AMOTL1: variants seen among roughly 807,000 people sequenced by gnomAD.
The protein encoded by AMOTL1 is angiomotin-like protein 1.
Under a neutral mutation model 102.9 loss-of-function variants are expected in AMOTL1, and 45 were observed. The observed-to-expected ratio is 0.44, with a 90% CI of 0.34 to 0.56. The LOEUF is 0.56. AMOTL1 is among the 20% of genes least tolerant of loss of function. AMOTL1 has a pLI of 0.01. For missense variants in AMOTL1, 1,114 were observed against 1,225.6 expected (o/e 0.91, Z 1.36); for synonymous variants, 481 against 484.7 (o/e 0.99, Z 0.10).
intron 1 of AMOTL1, among the ~76,000 whole-genome samples, chr11:94,706,818 G>C (rs941746901): frequency 6.6e-6 from 1 of 152,152 alleles, no homozygotes; most frequent in Admixed American, 6.5e-5. Flanking sequence ...CTCACAGTGG[G>C]TGTAGGAATC....
chr11:94,707,250 C>CTCTG lies in AMOTL1; in HGVS notation c.-51+654_-51+655insCTGT, dbSNP rs1338023479. Among the ~76,000 whole-genome samples the CTCTG allele has an allele frequency of 5.6e-3, 399 of 71,760 alleles. 3 individuals are homozygous for CTCTG. The highest frequency in any genetic ancestry group is 0.015 in the African/African-American group (371 of 25,154). The allele number at this position is 71,760 out of a possible 152,430, so 47.1% of individuals were successfully genotyped here. ...TCTCTCTCTCTCTCTCTCTCTCTCT[C>CTCTG]TGTGTGTGTGTGTGTGTGTGTGTGT... On this transcript the variant is annotated intron_variant, in intron 1 of 4. Transcript: ENST00000299004.
At position 94,854,079 on chromosome 11, in the gene AMOTL1, G is replaced by C. The variant is rs751773222; in HGVS notation, c.1941G>C (p.Gln647His). ...GAGAGCTGGATGCACTGAGAACCCA[G>C]CAGGTAAGGAACTGGGCATGGACTG... ...LERELDALRTQQKHGNGQPAN... is the reference protein window; with the variant it reads ...LERELDALRTHQKHGNGQPAN... The change falls in exon 8 of 13, where the codon CAG (glutamine) becomes CAC (histidine). Residue 647 changes from glutamine to histidine, a missense_variant. Physicochemically the swap from Gln to His is conservative, Grantham distance 24. Transcript: ENST00000433060. 7 of 1,544,194 alleles carry C rather than the reference G, an allele frequency of 4.5e-6. No homozygotes were observed. In the South Asian group the frequency reaches 8.4e-5, roughly 19 times the overall value.
chr11:94,779,670 A>G (rs1432267112), intron 1 of AMOTL1, among the ~76,000 whole-genome samples: 2 of 152,146 alleles, frequency 1.3e-5, no homozygotes, highest in Non-Finnish European at 2.9e-5. Context: ...ATCAACACCC[A>G]CAGAATAGGA....
rs554680134 is a variant in AMOTL1 at position 94,873,869 on chromosome 11, C to T, written c.*3074C>T. 1 of 152,390 alleles carries T rather than the reference C, an allele frequency of 6.6e-6. No individual in the cohort carries two copies. Among genetic ancestry groups the T allele is most frequent in the East Asian group, 1.9e-4 (1 of 5,190 alleles). 9.4% of individuals were successfully genotyped at this position (152,390 alleles called of 1,614,324 possible). ...GGACTAAGCCCAGAACTCCTAGAAT[C>T]ACCTATAAATGCTAGGCATAGATGG... On this transcript the variant is annotated 3_prime_UTR_variant, in exon 13 of 13. Transcript: ENST00000433060.
intron 1 of AMOTL1, among the ~76,000 whole-genome samples, chr11:94,716,903 C>A (rs1950106886): frequency 6.6e-6 from 1 of 152,106 alleles, no homozygotes; most frequent in Non-Finnish European, 1.5e-5. Flanking sequence ...GCAGGCAGAT[C>A]AGTCTCTTGG....
rs376243419 is a variant in AMOTL1, at chr11:94,744,959, A to T, written c.136+3971A>T. Among the ~76,000 whole-genome samples the T allele has an allele frequency of 1.1e-3, 166 of 152,336 alleles. 5 individuals carry two copies. The South Asian group carries it at 0.033, about 30-fold the overall frequency. Reference sequence around the variant, plus strand: ...TGGTTTTTTAAATTTTTAAATCAATATTATAAAGTTACTTTTAGTGTTGAT... The same window carrying T: ...TGGTTTTTTAAATTTTTAAATCAATTTTATAAAGTTACTTTTAGTGTTGAT... On this transcript the variant is annotated intron_variant, in intron 3 of 4. Coordinates refer to the AMOTL1 transcript ENST00000299004.
chr11:94,819,132 G>C (rs1951817972), intron 3 of AMOTL1, among the ~76,000 whole-genome samples: 1 of 152,120 alleles, frequency 6.6e-6, no homozygotes, highest in South Asian at 2.1e-4. Context: ...TGAGAGATCA[G>C]ACAAAACCTG....
chr11:94,831,770 TTCTC>T (rs1174343308), intron 6 of AMOTL1, among the ~76,000 whole-genome samples: 1 of 151,522 alleles, frequency 6.6e-6, no homozygotes, highest in Non-Finnish European at 1.5e-5. Flanking sequence ...GACCTACAGT[TTCTC>T]TCTCTCTCTC....
At chr11:94,853,472 C>T (rs762313554) in intron 7 of AMOTL1, among the ~76,000 whole-genome samples, 13 of 152,276 alleles carry the variant, frequency 8.5e-5, no homozygotes, top group African/African-American at 2.9e-4. Flanking sequence ...CTACAGAGGA[C>T]GTGATCTCAT....
Position 94,858,965 on chromosome 11 carries a change from A to T in AMOTL1, c.1945-560A>T, listed in dbSNP as rs187049185. On this transcript the variant is annotated intron_variant, in intron 8 of 12. Coordinates refer to ENST00000433060, the MANE Select transcript of AMOTL1 (RefSeq NM_130847.3). ...ATATGCATTATCTAGTTTGATTCTC[A>T]TTCTCAGGCCTCTGAGTGGGGCAGG... is the stretch of plus-strand genomic sequence containing the variant. 1.4e-3 allele frequency among the ~76,000 whole-genome samples: 217 copies of T among 152,304 alleles called. 1 individual carries two copies. Among genetic ancestry groups the T allele is most frequent in the Non-Finnish European group, 2.0e-3 (133 of 68,022 alleles).
At chr11:94,719,566 A>ATGTGTGTG (rs34142147) in intron 1 of AMOTL1, among the ~76,000 whole-genome samples, 20 of 148,134 alleles carry the variant, frequency 1.4e-4, no homozygotes, top group South Asian at 2.2e-4. Flanking sequence ...CAGAGCGAAA[A>ATGTGTGTG]TGTGTGTGTG....
chr11:94,788,148 A>G (rs1323019539), intron 1 of AMOTL1, among the ~76,000 whole-genome samples: 2 of 152,184 alleles, frequency 1.3e-5, no homozygotes, highest in African/African-American at 4.8e-5. Flanking sequence ...AATGGAAGGT[A>G]GATAGAACCT....
chr11:94,720,440 C>T (rs1040137509), intron 1 of AMOTL1, among the ~76,000 whole-genome samples: 11 of 152,170 alleles, frequency 7.2e-5, no homozygotes, highest in Admixed American at 3.9e-4. Flanking sequence ...GATCTCTCAC[C>T]GGAGTCTTTC....
chr11:94,782,849 G>A (rs1951132114), intron 1 of AMOTL1, among the ~76,000 whole-genome samples: 1 of 152,086 alleles, frequency 6.6e-6, no homozygotes, highest in Admixed American at 6.5e-5. Context: ...CTTATATTAA[G>A]CAAGATATTA....
chr11:94,809,052 C>T (rs1400198970), intron 3 of AMOTL1, among the ~76,000 whole-genome samples: 1 of 145,772 alleles, frequency 6.9e-6, no homozygotes, highest in Non-Finnish European at 1.5e-5. Context: ...CTCACTGCAA[C>T]CTCTGCCTCC....
At chr11:94,823,806 C>T (rs892771501) in intron 4 of AMOTL1, among the ~76,000 whole-genome samples, 1 of 151,430 alleles carries the variant, frequency 6.6e-6, no homozygotes. Flanking sequence ...ATCTCCGCTT[C>T]CCAGGTTCAA....
chr11:94,816,993 T>A (rs1951777308), intron 3 of AMOTL1, among the ~76,000 whole-genome samples: 2 of 152,144 alleles, frequency 1.3e-5, no homozygotes, highest in African/African-American at 4.8e-5. Context: ...AGCCTCTGTG[T>A]CAGATGAACA....
At chr11:94,809,501 T>C (rs4753150) in intron 3 of AMOTL1, among the ~76,000 whole-genome samples, 41,118 of 152,160 alleles carry the variant, frequency 0.27, 6,142 homozygotes, top group East Asian at 0.46. Flanking sequence ...TGGATCATGC[T>C]GTGATTCCTC....
chr11:94,873,776 TAC>T lies in AMOTL1; in HGVS notation c.*3017_*3018del, dbSNP rs149500556. The T allele has an allele frequency of 0.02, 2,842 of 141,788 alleles. 24 individuals are homozygous for T. The highest frequency in any genetic ancestry group is 0.063 in the South Asian group (277 of 4,418). 8.8% of individuals were successfully genotyped at this position (141,788 alleles called of 1,614,324 possible). A position where few individuals can be genotyped will look rare whatever the true frequency, so the allele number is the denominator to read the frequency against. On this transcript the variant is annotated 3_prime_UTR_variant, in exon 13 of 13. Transcript: ENST00000433060. ...TGTGATGTGTGTGTGCACGTGTAAC[TAC>T]ACACACACACACACACACACACACA...
Sources: gnomAD v4.1 joint callset for allele counts (sites outside exome capture counted in the v4.1 genomes callset) on GRCh38, gnomAD v4.1.1 for gene constraint, MANE v1.5 for transcripts, NCBI Gene and HGNC (gene_info 2026-07-23, HGNC 2026-07-21) for gene names.